CHD1L: variants seen among roughly 807,000 people sequenced by gnomAD.
CHD1L encodes chromodomain helicase DNA binding protein 1 like.
CHD1L carries 118 observed loss-of-function variants against 115.9 expected under a neutral mutation model. That is an observed-to-expected ratio of 1.02 (90% CI 0.88 to 1.19). CHD1L has a LOEUF of 1.19. Among genes scored for constraint, CHD1L ranks in the 50% most tolerant of loss-of-function variants. The pLI is 0.00. For missense variants in CHD1L, 1,179 were observed against 1,065.3 expected, an observed-to-expected ratio of 1.11 and a Z score of -1.49; for synonymous variants, 411 against 387.1, an observed-to-expected ratio of 1.06 and a Z score of -0.72.
At chr1:147,198,708 G>A in the CHD1L span, among the ~76,000 whole-genome samples, 5,610 of 151,962 alleles carry the variant, frequency 0.037, 149 homozygotes, top group South Asian at 0.095. Context: ...AAAACTAGCC[G>A]GGCATGGTGG....
upstream of CHD1L, among the ~76,000 whole-genome samples, chr1:147,241,433 G>A (rs767150524): frequency 1.2e-4 from 19 of 152,026 alleles, no homozygotes; most frequent in Non-Finnish European, 2.4e-4. Flanking sequence ...AACCCCCTTT[G>A]ACTGTAATTT....
In CHD1L at chr1:147,275,424, T is replaced by A. The variant is rs145656868; in HGVS notation, c.1341T>A (p.Asn447Lys). 2 of 1,614,044 alleles carry A rather than the reference T, an allele frequency of 1.2e-6. No homozygotes were observed. Among genetic ancestry groups the A allele is most frequent in the Non-Finnish European group, 1.7e-6 (2 of 1,180,002 alleles). Residue 447 changes from asparagine to lysine, a missense_variant, in exon 13 of 23, where the codon AAT becomes AAA. By Grantham distance (94) the Asn-to-Lys change is moderately conservative (BLOSUM62 0). Coordinates refer to ENST00000369258, the MANE Select transcript of CHD1L (RefSeq NM_004284.6). ...TTGACAGTGACTTTAATCCTCAGAA[T>A]GACTTGCAAGCAGCTGCCAGGGCTC... ...IFVDSDFNPQ[N>K]DLQAAARAHR...
chr1:147,190,179 T>G, the CHD1L span: 3 of 1,601,188 alleles, frequency 1.9e-6, no homozygotes, highest in East Asian at 6.7e-5. Context: ...TTTCTTACCT[T>G]TTGTCAATTT....
At chr1:147,233,332 A>T in the CHD1L span, among the ~76,000 whole-genome samples, 2 of 134,960 alleles carry the variant, frequency 1.5e-5, no homozygotes, top group Admixed American at 1.5e-4. Flanking sequence ...GGAGGTGGGG[A>T]TCAGCCCCTG....
the CHD1L span, among the ~76,000 whole-genome samples, chr1:147,197,163 G>C: frequency 6.6e-6 from 1 of 152,116 alleles, no homozygotes; most frequent in South Asian, 2.1e-4. Context: ...ACTACTTGCA[G>C]TTCCCAGAAC....
At chr1:147,284,536 A>C in intron 16 of CHD1L, 37 bp downstream of exon 16, 2 of 1,488,684 alleles carry the variant, frequency 1.3e-6, no homozygotes, top group Non-Finnish European at 1.8e-6. Flanking sequence ...TTGTTCTTCC[A>C]AACTCTCATT....
At chr1:147,283,616 T>G (rs1010823365) in intron 15 of CHD1L, among the ~76,000 whole-genome samples, 10 of 152,198 alleles carry the variant, frequency 6.6e-5, no homozygotes, top group African/African-American at 2.2e-4. Flanking sequence ...GTGAAAGTGA[T>G]CTGACAGCAT....
At chr1:147,178,017 T>G in the CHD1L span, 1 of 610,586 alleles carries the variant, frequency 1.6e-6, no homozygotes, top group Non-Finnish European at 2.7e-6. Flanking sequence ...AAAACTAAAT[T>G]AGTAGAAAAG....
intron 14 of CHD1L, among the ~76,000 whole-genome samples, 176 bp from the exon 15 acceptor site, chr1:147,279,850 C>A (rs1680114118): frequency 6.6e-6 from 1 of 152,174 alleles, no homozygotes; most frequent in African/African-American, 2.4e-5. Context: ...GCTTACCCAT[C>A]ATCCAACTAT....
intron 7 of CHD1L, 24 bp downstream of exon 7, chr1:147,264,608 T>A (rs781842563): frequency 1.2e-6 from 2 of 1,610,138 alleles, no homozygotes; most frequent in South Asian, 2.2e-5. Context: ...CTGCAAATCA[T>A]CCCCAAGAAG....
At chr1:147,289,848 G>A (rs1394831434) in intron 19 of CHD1L, among the ~76,000 whole-genome samples, 1 of 152,178 alleles carries the variant, frequency 6.6e-6, no homozygotes, top group Non-Finnish European at 1.5e-5. Flanking sequence ...ATAGAGGAGA[G>A]TTTCGTTTTC....
intron 15 of CHD1L, among the ~76,000 whole-genome samples, chr1:147,284,025 G>T (rs983909565): frequency 6.6e-6 from 1 of 152,254 alleles, no homozygotes; most frequent in Non-Finnish European, 1.5e-5. Flanking sequence ...CTTAATGTCA[G>T]TGAGATTTGC....
At chr1:147,190,119 C>A in the CHD1L span, 9 of 1,189,048 alleles carry the variant, frequency 7.6e-6, no homozygotes, top group African/African-American at 7.6e-5. Flanking sequence ...TACAATATTT[C>A]TTTTATTAAG....
At chr1:147,269,096 T>C (rs587608183) in intron 10 of CHD1L, among the ~76,000 whole-genome samples, 131 of 152,296 alleles carry the variant, frequency 8.6e-4, no homozygotes, top group African/African-American at 3.0e-3. Flanking sequence ...ACAGCACTTA[T>C]AATCCTAATC....
Position 147,285,443 on chromosome 1 carries a change from AGAG to A in CHD1L, c.1978_1980del (p.Glu660del), listed in dbSNP as rs782275788. 1.9e-6 allele frequency: 3 copies of A among 1,613,722 alleles called. No individual in the cohort carries two copies. Among genetic ancestry groups the A allele is most frequent in the African/African-American group, 2.7e-5 (2 of 74,870 alleles). On this transcript the variant is annotated inframe_deletion, in exon 17 of 23. Coordinates refer to ENST00000369258, the MANE Select transcript of CHD1L (RefSeq NM_004284.6). ...CAGCTGCCAAGAGAAGGAGACTCAT[AGAG>A]GAGAAGAAGAGGCAAAAGGAAGAGG...
chr1:147,197,942 A>T, the CHD1L span, among the ~76,000 whole-genome samples: 89 of 152,284 alleles, frequency 5.8e-4, no homozygotes, highest in Non-Finnish European at 1.0e-3. Flanking sequence ...AAGTTCAGAG[A>T]TCTTCCAAGG....
At chr1:147,188,867 A>G in the CHD1L span, among the ~76,000 whole-genome samples, 29,861 of 152,090 alleles carry the variant, frequency 0.2, 3,688 homozygotes, top group Non-Finnish European at 0.27. Context: ...GAAAGTTAAA[A>G]TAAGATACTT....
intron 17 of CHD1L, among the ~76,000 whole-genome samples, chr1:147,285,852 A>G (rs1331619076): frequency 6.6e-6 from 1 of 151,954 alleles, no homozygotes; most frequent in Non-Finnish European, 1.5e-5. Context: ...GTGTGCCACC[A>G]TGCCTGGCTA....
At chr1:147,241,590 C>A (rs587617525), upstream of CHD1L, among the ~76,000 whole-genome samples, 2 of 152,244 alleles carry the variant, frequency 1.3e-5, no homozygotes, top group African/African-American at 4.8e-5. Context: ...CACACGGACG[C>A]GCATGAAAGT....
Sources: allele counts gnomAD v4.1 joint callset (sites outside exome capture counted in the v4.1 genomes callset), GRCh38; gene constraint gnomAD v4.1.1; transcripts MANE v1.5; gene names NCBI Gene and HGNC (gene_info 2026-07-23, HGNC 2026-07-21).